Variants in TFEC observed in about 807,000 individuals in gnomAD.
The protein encoded by TFEC is transcription factor EC.
A neutral mutation model predicts 41.6 loss-of-function variants in TFEC; 31 were observed. The ratio of observed to expected loss-of-function variants is 0.74; its 90% CI spans 0.56 to 1.01. TFEC has a LOEUF of 1.01. TFEC is among the 50% of genes least tolerant of loss of function. The pLI, the probability that TFEC is intolerant of heterozygous loss-of-function variation, is 0.00. For synonymous variants in TFEC, 143 were observed against 140.6 expected (o/e 1.02, Z -0.12); for missense variants, 402 against 404.1 (o/e 0.99, Z 0.04).
At chr7:116,106,427 A>G (rs1306642189) in intron 3 of TFEC, among the ~76,000 whole-genome samples, 1 of 152,100 alleles carries the variant, frequency 6.6e-6, no homozygotes, top group Admixed American at 6.6e-5. Context: ...CTGTCACCCA[A>G]GCTGGAGTGC....
intron 3 of TFEC, among the ~76,000 whole-genome samples, chr7:115,970,102 A>T (rs1455927645): frequency 6.6e-6 from 1 of 151,950 alleles, no homozygotes; most frequent in Non-Finnish European, 1.5e-5. Context: ...TAGGACATGT[A>T]TTGATATATG....
chr7:115,947,789 G>C (rs1403075794), intron 6 of TFEC, among the ~76,000 whole-genome samples: 2 of 151,588 alleles, frequency 1.3e-5, no homozygotes, highest in Non-Finnish European at 2.9e-5. Context: ...TTGTAAATTT[G>C]TTTAAGTTCA....
intron 1 of TFEC, among the ~76,000 whole-genome samples, chr7:116,125,706 C>T (rs1179062046): frequency 6.6e-6 from 1 of 152,060 alleles, no homozygotes; most frequent in African/African-American, 2.4e-5. Flanking sequence ...AAAGAGCTAT[C>T]AAGGATGAAC....
chr7:115,984,448 GT>G lies in TFEC; in HGVS notation c.-8del, dbSNP rs1793765802. 6.2e-7 allele frequency: 1 copy of G among 1,613,972 alleles called. No homozygotes were observed. The highest frequency in any genetic ancestry group is 1.7e-5 in the Admixed American group (1 of 59,984). On this transcript the variant is annotated 5_prime_UTR_variant, in exon 2 of 8. Transcript: ENST00000265440. Reference sequence around the variant, plus strand: ...TCTGATGATCAAGGGTCATGAAAGAGTTTACTTTCTGTCTCTGGGCTTTCTG... The same window carrying G: ...TCTGATGATCAAGGGTCATGAAAGAGTTACTTTCTGTCTCTGGGCTTTCTG...
At chr7:115,978,626 T>G (rs1793490639) in intron 2 of TFEC, among the ~76,000 whole-genome samples, 1 of 152,198 alleles carries the variant, frequency 6.6e-6, no homozygotes, top group African/African-American at 2.4e-5. Flanking sequence ...GAATTCAAAA[T>G]AGAATGGCTT....
At chr7:115,998,036 T>G (rs1044768149) in intron 1 of TFEC, among the ~76,000 whole-genome samples, 1 of 151,874 alleles carries the variant, frequency 6.6e-6, no homozygotes, top group Non-Finnish European at 1.5e-5. Context: ...GATAGAAAAT[T>G]TATTCAAATG....
intron 1 of TFEC, among the ~76,000 whole-genome samples, chr7:116,112,781 A>T (rs1797885894): frequency 6.6e-6 from 1 of 152,038 alleles, no homozygotes; most frequent in Admixed American, 6.6e-5. Context: ...GTAGGTAATA[A>T]CGGATCAGCA....
intron 5 of TFEC, among the ~76,000 whole-genome samples, chr7:115,952,901 G>A (rs752198983): frequency 6.6e-6 from 1 of 152,042 alleles, no homozygotes; most frequent in African/African-American, 2.4e-5. Flanking sequence ...AGGGCCAAGG[G>A]AACCCTTCTA....
chr7:115,968,093 T>C (rs1792955538), intron 3 of TFEC: 1 of 1,301,820 alleles, frequency 7.7e-7, no homozygotes, highest in African/African-American at 1.5e-5. Flanking sequence ...CATACCTTAT[T>C]TTATTGACTA....
At position 116,024,097 on chromosome 7, in the gene TFEC, C is replaced by T. The variant is rs566432308; in HGVS notation, c.-73+6536G>A. On this transcript the variant is annotated intron_variant, in intron 1 of 7. Coordinates refer to ENST00000265440, the MANE Select transcript of TFEC (RefSeq NM_012252.4). ...GCTTCGACATTAATGAGTCCCTTCACTTTGCCCCTTTCTTTTATGAAATAG... is the reference window on the plus strand; with the variant it reads ...GCTTCGACATTAATGAGTCCCTTCATTTTGCCCCTTTCTTTTATGAAATAG... Among the ~76,000 whole-genome samples the T allele has an allele frequency of 2.0e-5, 3 of 152,272 alleles. No homozygotes were observed. In the East Asian group the frequency reaches 5.8e-4, roughly 29 times the overall value.
intron 3 of TFEC, among the ~76,000 whole-genome samples, chr7:116,075,179 T>C (rs942519830): frequency 2.6e-4 from 40 of 152,206 alleles, no homozygotes. Context: ...ACACTTTACT[T>C]GGGTGAACTA....
intron 3 of TFEC, among the ~76,000 whole-genome samples, chr7:115,970,868 T>A (rs1335885518): frequency 2.0e-5 from 3 of 151,930 alleles, no homozygotes; most frequent in Non-Finnish European, 4.4e-5. Context: ...GGGTAATGCT[T>A]CACGTATACA....
chr7:116,084,842 C>T (rs1797166912), intron 3 of TFEC, among the ~76,000 whole-genome samples: 2 of 151,920 alleles, frequency 1.3e-5, no homozygotes, highest in Non-Finnish European at 2.9e-5. Context: ...TAATTAATAA[C>T]TATGTTTATT....
Position 116,106,369 on chromosome 7 carries a change from G to GT in TFEC, c.198+4338dup, listed in dbSNP as rs533808041. Among the ~76,000 whole-genome samples the GT allele has an allele frequency of 1.5e-3, 226 of 151,702 alleles. 1 individual carries two copies. Among genetic ancestry groups the GT allele is most frequent in the African/African-American group, 4.9e-3 (202 of 41,262 alleles). Reference sequence around the variant, plus strand: ...AGCTGACTGATGACTTCAGTTTTTTGTTTTTTGTTTGTTTGTTTGTTTGTT... The same window carrying GT: ...AGCTGACTGATGACTTCAGTTTTTTGTTTTTTTGTTTGTTTGTTTGTTTGTT... On this transcript the variant is annotated intron_variant, in intron 3 of 8. Transcript: ENST00000484212.
chr7:116,140,052 T>C (rs1300975657), intron 1 of TFEC, among the ~76,000 whole-genome samples: 1 of 152,310 alleles, frequency 6.6e-6, no homozygotes, highest in East Asian at 1.9e-4. Context: ...AGAAATATCA[T>C]CATAGCAGGT....
At chr7:116,126,203 C>T (rs1311487578) in intron 1 of TFEC, among the ~76,000 whole-genome samples, 2 of 151,814 alleles carry the variant, frequency 1.3e-5, no homozygotes, top group Admixed American at 1.3e-4. Context: ...AAAAACAAAG[C>T]CTGAAATTGA....
chr7:116,156,599 A>G (rs114824369), intron 1 of TFEC, among the ~76,000 whole-genome samples: 4,350 of 152,240 alleles, frequency 0.029, 71 homozygotes, highest in Middle Eastern at 0.041. Flanking sequence ...ATTTTAAGCT[A>G]TCTATTTTTT....
chr7:116,046,592 C>G (rs1369560009), intron 3 of TFEC, among the ~76,000 whole-genome samples: 2 of 152,062 alleles, frequency 1.3e-5, no homozygotes, highest in Non-Finnish European at 2.9e-5. Flanking sequence ...ACCTACAATG[C>G]TACAAAATTG....
intron 2 of TFEC, among the ~76,000 whole-genome samples, chr7:115,974,700 C>G (rs1245037419): frequency 6.6e-6 from 1 of 151,252 alleles, no homozygotes; most frequent in Non-Finnish European, 1.5e-5. Context: ...TTAAAATGTT[C>G]TGATTGCATC....
Sources: allele counts gnomAD v4.1 joint callset (sites outside exome capture counted in the v4.1 genomes callset), GRCh38; gene constraint gnomAD v4.1.1; transcripts MANE v1.5; gene names NCBI Gene and HGNC (gene_info 2026-07-23, HGNC 2026-07-21).